PRKCH: variants seen among roughly 807,000 people sequenced by gnomAD.
PRKCH encodes protein kinase C eta type.
PRKCH carries 28 observed loss-of-function variants against 82.5 expected under a neutral mutation model. The ratio of observed to expected loss-of-function variants is 0.34; its 90% CI spans 0.25 to 0.47. PRKCH has a LOEUF of 0.47. Ranked by LOEUF, PRKCH falls within the 20% of genes least tolerant of loss-of-function variation. The pLI is 1.00. For synonymous variants in PRKCH, 322 were observed against 327.4 expected, an observed-to-expected ratio of 0.98 and a Z score of 0.18; for missense variants, 705 against 881.8, an observed-to-expected ratio of 0.80 and a Z score of 2.54.
intron 1 of PRKCH, among the ~76,000 whole-genome samples, chr14:61,195,654 C>A (rs1042564873): frequency 7.2e-5 from 11 of 152,128 alleles, no homozygotes; most frequent in African/African-American, 2.4e-4. Flanking sequence ...CGGGAAGACA[C>A]CTTGGACTGA....
intron 1 of PRKCH, among the ~76,000 whole-genome samples, chr14:61,343,398 A>G (rs2045953286): frequency 6.7e-6 from 1 of 150,174 alleles, no homozygotes; most frequent in Non-Finnish European, 1.5e-5. Context: ...ACTAGACTGG[A>G]TAGAAAAGAC....
chr14:61,212,322 G>A lies in PRKCH; in HGVS notation c.-19+24654G>A, dbSNP rs185993646. 3.3e-5 allele frequency among the ~76,000 whole-genome samples: 5 copies of A among 152,330 alleles called. No individual in the cohort carries two copies. The East Asian group carries it at 9.6e-4, about 29-fold the overall frequency. On this transcript the variant is annotated intron_variant, in intron 1 of 3. Transcript: ENST00000555185. ...CGAATGGATGGACTTTCCTGTTGCA[G>A]AGCGGTTGTAACTATGCTATCATTG... is the stretch of plus-strand genomic sequence containing the variant.
At chr14:61,475,829 C>T (rs1418380394) in intron 9 of PRKCH, among the ~76,000 whole-genome samples, 2 of 152,036 alleles carry the variant, frequency 1.3e-5, no homozygotes, top group African/African-American at 2.4e-5. Context: ...TTAACATTAC[C>T]TTGAAAACTT....
chr14:61,423,195 G>A (rs961792026), intron 2 of PRKCH, among the ~76,000 whole-genome samples: 1 of 152,186 alleles, frequency 6.6e-6, no homozygotes, highest in South Asian at 2.1e-4. Flanking sequence ...GTATCCTAGA[G>A]ACTAAGAAAC....
chr14:61,192,701 C>A (rs1306150087), intron 1 of PRKCH, among the ~76,000 whole-genome samples: 1 of 152,170 alleles, frequency 6.6e-6, no homozygotes, highest in African/African-American at 2.4e-5. Context: ...CACTACTGAG[C>A]TTAGCATCTA....
intron 1 of PRKCH, among the ~76,000 whole-genome samples, chr14:61,199,392 TC>T (rs920259637): frequency 2.0e-5 from 3 of 152,228 alleles, no homozygotes; most frequent in African/African-American, 7.2e-5. Context: ...GCTCTTTTGC[TC>T]CCTGGAGAGG....
rs1171911679 is a variant in PRKCH, at chr14:61,395,298, C to CCA, written c.427+4011_427+4012insAC. Among the ~76,000 whole-genome samples the CCA allele has an allele frequency of 5.4e-5, 8 of 147,758 alleles. 2 individuals carry two copies. In the South Asian group the frequency reaches 6.8e-4, roughly 13 times the overall value. On this transcript the variant is annotated intron_variant, in intron 2 of 13. Transcript: ENST00000332981. The stretch of plus-strand genomic sequence containing the variant: ...AGTAAGAAGGAAATGGAGCCCCCCC[C>CCA]CGCATTTGCCTGCCACAGCTGTGGC...
At chr14:61,207,553 G>C (rs1022490681) in intron 1 of PRKCH, among the ~76,000 whole-genome samples, 2 of 152,108 alleles carry the variant, frequency 1.3e-5, no homozygotes, top group African/African-American at 4.8e-5. Context: ...TCTTACAGCA[G>C]ATAGATGTTT....
At chr14:61,520,521 A>G (rs765556686) in intron 10 of PRKCH, among the ~76,000 whole-genome samples, 35 of 152,200 alleles carry the variant, frequency 2.3e-4, no homozygotes, top group Non-Finnish European at 8.8e-5. Flanking sequence ...AAAAATTATT[A>G]CTATCCCATA....
intron 3 of PRKCH, 22 bp downstream of exon 3, chr14:61,443,283 G>A (rs745737007): frequency 2.5e-6 from 4 of 1,607,418 alleles, no homozygotes; most frequent in African/African-American, 2.7e-5. Context: ...CCTTACTTCT[G>A]TCCTCCTCAG....
In PRKCH at chr14:61,280,021, G is replaced by A. The variant is rs1264917630; in HGVS notation, c.-19+92353G>A. ...GCGAGGTTGGAATTGGGTGACGGGC[G>A]AGGAGGAGATGCCAAAAGCACCTTG... On this transcript the variant is annotated intron_variant, in intron 1 of 3. Transcript: ENST00000555185. The surrounding 1 kb of genome is among the most constrained non-coding windows in gnomAD (Gnocchi z 5.0). 5.9e-6 allele frequency: 8 copies of A among 1,346,198 alleles called. No individual in the cohort carries two copies. In the African/African-American group the frequency reaches 8.8e-5, roughly 15 times the overall value. The allele number at this position is 1,346,198 out of a possible 1,614,324, so 83.4% of individuals were successfully genotyped here. A position where few individuals can be genotyped will look rare whatever the true frequency, so the allele number is the denominator to read the frequency against.
At chr14:61,222,970 G>A (rs530592213) in intron 1 of PRKCH, among the ~76,000 whole-genome samples, 8 of 152,150 alleles carry the variant, frequency 5.3e-5, no homozygotes, top group South Asian at 4.2e-4. Flanking sequence ...CTGTCAGGAC[G>A]CCTTTTTTTT....
chr14:61,361,941 C>T (rs1375418165), intron 1 of PRKCH, among the ~76,000 whole-genome samples: 5 of 152,164 alleles, frequency 3.3e-5, no homozygotes, highest in African/African-American at 1.2e-4. Flanking sequence ...GTGAGATAAT[C>T]TCAGAGTCTG....
chr14:61,247,926 A>G (rs982676758), intron 1 of PRKCH, among the ~76,000 whole-genome samples: 1 of 152,062 alleles, frequency 6.6e-6, no homozygotes, highest in African/African-American at 2.4e-5. Context: ...CCATGTCCCC[A>G]TGGGCCTTAT....
chr14:61,290,311 A>AT (rs2045350406), intron 1 of PRKCH, among the ~76,000 whole-genome samples: 1 of 151,990 alleles, frequency 6.6e-6, no homozygotes, highest in Non-Finnish European at 1.5e-5. Context: ...AAAAAAAAAA[A>AT]GTAAGAATAA....
intron 2 of PRKCH, among the ~76,000 whole-genome samples, chr14:61,442,185 ATACACTAGAAAAAT>A (rs1451624024): frequency 6.6e-6 from 1 of 152,222 alleles, no homozygotes; most frequent in Non-Finnish European, 1.5e-5. Context: ...AAGTCTCTGC[ATACACTAGAAAAAT>A]TCTAGTATAA....
At chr14:61,209,650 TA>T (rs2044554297) in intron 1 of PRKCH, among the ~76,000 whole-genome samples, 1 of 152,150 alleles carries the variant, frequency 6.6e-6, no homozygotes, top group Admixed American at 6.5e-5. Flanking sequence ...CAGGGTGCCA[TA>T]AGCCTTTGTG....
intron 1 of PRKCH, chr14:61,281,250 G>T: frequency 1.5e-6 from 1 of 672,280 alleles, no homozygotes; most frequent in Non-Finnish European, 2.1e-6. Flanking sequence ...CTCGCGGGTC[G>T]GGTTTCCCGC....
intron 1 of PRKCH, among the ~76,000 whole-genome samples, chr14:61,233,956 T>C (rs1043041716): frequency 6.6e-6 from 1 of 152,226 alleles, no homozygotes; most frequent in African/African-American, 2.4e-5. Context: ...TCGGATACTA[T>C]TTCTCTTTCT....
Sources: gnomAD v4.1 joint callset for allele counts (sites outside exome capture counted in the v4.1 genomes callset) on GRCh38, gnomAD v4.1.1 for gene constraint, Gnocchi (gnomAD v3.1) non-coding constraint, MANE v1.5 for transcripts, NCBI Gene and HGNC (gene_info 2026-07-23, HGNC 2026-07-21) for gene names.